RNF220: variants seen among roughly 807,000 people sequenced by gnomAD.
RNF220 encodes the protein E3 ubiquitin-protein ligase RNF220.
A neutral mutation model predicts 67.1 loss-of-function variants in RNF220; 7 were observed. The ratio of observed to expected loss-of-function variants is 0.10; its 90% CI spans 0.06 to 0.20. RNF220 has a LOEUF of 0.20. Among genes scored for constraint, RNF220 ranks in the 10% least tolerant of loss-of-function variants. The pLI is 1.00. For synonymous variants in RNF220, 270 were observed against 283.2 expected (o/e 0.95, Z 0.47); for missense variants, 565 against 740.3 (o/e 0.76, Z 2.75).
intron 2 of RNF220, among the ~76,000 whole-genome samples, chr1:44,432,582 T>G (rs908224609): frequency 2.0e-5 from 3 of 151,834 alleles, no homozygotes; most frequent in African/African-American, 4.8e-5. Flanking sequence ...TTTGTCTGTT[T>G]AGAAGCAGGG....
In RNF220 at chr1:44,574,634, G is replaced by A. The variant is rs115704218; in HGVS notation, c.626-39531G>A. Among the ~76,000 whole-genome samples the A allele has an allele frequency of 4.6e-3, 694 of 152,272 alleles. 4 individuals carry two copies. Among genetic ancestry groups the A allele is most frequent in the Non-Finnish European group, 6.4e-3 (433 of 68,020 alleles). On this transcript the variant is annotated intron_variant, in intron 2 of 14. Coordinates refer to ENST00000361799, the MANE Select transcript of RNF220 (RefSeq NM_018150.4). ...GTAAAGGAGTAAGAGAGAGCACCCA[G>A]GTCAGCCTGCCCCTGCACTGCCATT...
chr1:44,424,576 C>A (rs1008950082), intron 2 of RNF220, among the ~76,000 whole-genome samples: 1 of 152,006 alleles, frequency 6.6e-6, no homozygotes, highest in Non-Finnish European at 1.5e-5. Flanking sequence ...GGATGGAAAC[C>A]CACTGAGGAG....
At chr1:44,414,208 C>T (rs957416885) in intron 2 of RNF220, among the ~76,000 whole-genome samples, 2 of 152,174 alleles carry the variant, frequency 1.3e-5, no homozygotes, top group African/African-American at 2.4e-5. Context: ...GAACAGGTAT[C>T]GGCATTGTGT....
intron 2 of RNF220, among the ~76,000 whole-genome samples, chr1:44,495,129 C>G (rs971518999): frequency 1.2e-4 from 19 of 152,214 alleles, no homozygotes; most frequent in African/African-American, 4.6e-4. Flanking sequence ...GGGAGGATCA[C>G]TTGAGGCTGG....
chr1:44,462,391 CATA>C (rs1317683425), intron 2 of RNF220, among the ~76,000 whole-genome samples: 1 of 152,044 alleles, frequency 6.6e-6, no homozygotes, highest in East Asian at 1.9e-4. Context: ...ACATAAAACT[CATA>C]ATATGTCGCT....
intron 2 of RNF220, among the ~76,000 whole-genome samples, chr1:44,516,297 A>C (rs370059237): frequency 3.6e-4 from 55 of 152,350 alleles, no homozygotes; most frequent in African/African-American, 1.3e-3. Flanking sequence ...AAGTGCTAAG[A>C]TAGATGTAAG....
intron 2 of RNF220, among the ~76,000 whole-genome samples, chr1:44,592,218 T>C (rs1334174445): frequency 6.6e-6 from 1 of 152,122 alleles, no homozygotes; most frequent in Non-Finnish European, 1.5e-5. Context: ...CCGAATTCCT[T>C]CCCGCAGCAC....
chr1:44,490,759 T>G (rs902906760), intron 2 of RNF220, among the ~76,000 whole-genome samples: 3 of 151,308 alleles, frequency 2.0e-5, no homozygotes, highest in South Asian at 4.2e-4. Context: ...AAATGAAATA[T>G]AGAATTGAAA....
chr1:44,411,969 C>T lies in RNF220; in HGVS notation c.-117-12C>T. 6.0e-6 allele frequency: 6 copies of T among 1,007,110 alleles called. No homozygotes were observed. Among genetic ancestry groups the T allele is most frequent in the South Asian group, 4.2e-5 (2 of 47,614 alleles). The allele number at this position is 1,007,110 out of a possible 1,614,324, so 62.4% of individuals were successfully genotyped here. Reference sequence around the variant, plus strand: ...CCTCCCCCTTCTTTTTTTCTCTTTGCTGTTTCTACAGGTCTTAGGAGGGAA... The same window carrying T: ...CCTCCCCCTTCTTTTTTTCTCTTTGTTGTTTCTACAGGTCTTAGGAGGGAA... On this transcript the variant is annotated splice_polypyrimidine_tract_variant and intron_variant, in intron 1 of 14. Coordinates refer to ENST00000361799, the MANE Select transcript of RNF220 (RefSeq NM_018150.4).
chr1:44,574,176 A>C (rs1476501941), intron 2 of RNF220, among the ~76,000 whole-genome samples: 2 of 152,196 alleles, frequency 1.3e-5, no homozygotes, highest in Non-Finnish European at 2.9e-5. Context: ...TGAATAAATA[A>C]ATAAGAAAAT....
chr1:44,496,756 C>A lies in RNF220; in HGVS notation c.625+84034C>A, dbSNP rs112373512. Among the ~76,000 whole-genome samples the A allele has an allele frequency of 5.0e-3, 762 of 152,318 alleles. 8 individuals carry two copies. The highest frequency in any genetic ancestry group is 0.017 in the African/African-American group (719 of 41,568). Reference sequence around the variant, plus strand: ...GCTCTTCTCTAGCTCTTCCCCTCCCCCCAGCACTGAAACAGCCTCCCCGTC... The same window carrying A: ...GCTCTTCTCTAGCTCTTCCCCTCCCACCAGCACTGAAACAGCCTCCCCGTC... On this transcript the variant is annotated intron_variant, in intron 2 of 14. Coordinates refer to ENST00000361799, the MANE Select transcript of RNF220 (RefSeq NM_018150.4).
rs531195061 is a variant in RNF220, at chr1:44,405,979, C to T, written c.-118+449C>T. Among the ~76,000 whole-genome samples the T allele has an allele frequency of 9.2e-5, 14 of 152,264 alleles. No individual in the cohort carries two copies. In the South Asian group the frequency reaches 2.9e-3, roughly 32 times the overall value. ...CTTCTCGCCGGGCTCTCTGGTGCAC[C>T]CCCCGGTGATTTCCGGGCTCCCCTA... On this transcript the variant is annotated intron_variant, in intron 1 of 14. Transcript: ENST00000361799.
Position 44,650,555 on chromosome 1 carries a change from A to T in RNF220, c.1630-149A>T. 1.3e-6 allele frequency: 1 copy of T among 770,936 alleles called. No individual in the cohort carries two copies. Among genetic ancestry groups the T allele is most frequent in the Non-Finnish European group, 2.1e-6 (1 of 465,548 alleles). 47.8% of individuals were successfully genotyped at this position (770,936 alleles called of 1,614,324 possible). On this transcript the variant is annotated intron_variant, in intron 14 of 14. Transcript: ENST00000361799. This position sits in a 1 kb window ranked among gnomAD's most constrained non-coding sequence, Gnocchi z 4.3. ...CACAGGAGCGTGCCTGCCTGCTCAC[A>T]GAAGCTGCCTATGCGTCCCCAGCCT...
chr1:44,566,661 C>T (rs775590010), intron 2 of RNF220, among the ~76,000 whole-genome samples: 3 of 128,434 alleles, frequency 2.3e-5, no homozygotes, highest in Non-Finnish European at 3.8e-5. Flanking sequence ...ACCCTAGGGC[C>T]AGCTGTTAGA....
intron 2 of RNF220, chr1:44,423,779 T>C (rs531113447): frequency 8.5e-6 from 8 of 946,066 alleles, no homozygotes; most frequent in Non-Finnish European, 1.0e-5. Flanking sequence ...CCGGGATTCT[T>C]GGCAGAGTTT....
chr1:44,485,332 C>G (rs997641762), intron 2 of RNF220, among the ~76,000 whole-genome samples: 5 of 152,112 alleles, frequency 3.3e-5, no homozygotes, highest in African/African-American at 1.2e-4. Context: ...ATGAGAAATT[C>G]CTTTCTAATA....
intron 2 of RNF220, among the ~76,000 whole-genome samples, chr1:44,572,489 T>C (rs1664509570): frequency 6.6e-6 from 1 of 152,238 alleles, no homozygotes; most frequent in African/African-American, 2.4e-5. Flanking sequence ...CTTCACTAAA[T>C]GAAAAGCCCC....
chr1:44,614,042 C>G, intron 2 of RNF220, 123 bp from the exon 3 acceptor site: 1 of 1,327,904 alleles, frequency 7.5e-7, no homozygotes, highest in Non-Finnish European at 1.0e-6. Flanking sequence ...ACCCTCAGGC[C>G]CCTCCTCTAG....
In RNF220 at chr1:44,422,462, A is replaced by G. The variant is rs116091412; in HGVS notation, c.625+9740A>G. On this transcript the variant is annotated intron_variant, in intron 2 of 14. Transcript: ENST00000361799. The stretch of plus-strand genomic sequence containing the variant: ...CTGATTTACGGGGAAAAGAACCCAG[A>G]CATGGGTTTAACCCTTTCCTAACCA... 3.9e-3 allele frequency among the ~76,000 whole-genome samples: 589 copies of G among 152,352 alleles called. 3 individuals are homozygous for G. The highest frequency in any genetic ancestry group is 0.013 in the African/African-American group (556 of 41,568).
Sources: allele counts gnomAD v4.1 joint callset (sites outside exome capture counted in the v4.1 genomes callset), GRCh38; gene constraint gnomAD v4.1.1; non-coding constraint Gnocchi (gnomAD v3.1); transcripts MANE v1.5; gene names NCBI Gene and HGNC (gene_info 2026-07-23, HGNC 2026-07-21).